The following GSE1 variants were observed in gnomAD, a reference collection of about 807,000 sequenced individuals.
GSE1 encodes Gse1 coiled-coil protein.
GSE1 carries 32 observed loss-of-function variants against 112.6 expected under a neutral mutation model. The observed-to-expected ratio is 0.28, with a 90% confidence interval of 0.21 to 0.38. The LOEUF (loss-of-function observed/expected upper bound fraction) is 0.38, where lower values mean the gene tolerates loss of function less well. GSE1 is among the 10% of genes least tolerant of loss of function. The pLI is 1.00. For missense variants in GSE1, 2,348 were observed against 1,699.2 expected, an observed-to-expected ratio of 1.38 and a Z score of -6.71; for synonymous variants, 1,115 against 735.6, an observed-to-expected ratio of 1.52 and a Z score of -8.35.
intron 1 of GSE1, among the ~76,000 whole-genome samples, chr16:85,627,152 G>A (rs1255863464): frequency 9.2e-6 from 1 of 108,754 alleles, no homozygotes; most frequent in Non-Finnish European, 1.7e-5. Flanking sequence ...AAGAAGCGGT[G>A]CTTTGTTACG....
At chr16:85,298,803 G>C (rs530345836) in intron 1 of GSE1, among the ~76,000 whole-genome samples, 1 of 152,236 alleles carries the variant, frequency 6.6e-6, no homozygotes, top group Non-Finnish European at 1.5e-5. Flanking sequence ...CATTGTGAAC[G>C]TCACAGGTAG....
chr16:85,271,280 A>C (rs929714381), intron 1 of GSE1, among the ~76,000 whole-genome samples: 1 of 151,914 alleles, frequency 6.6e-6, no homozygotes. Context: ...GCTGAAGCCC[A>C]CCCTCTCTCC....
At chr16:85,495,638 G>A (rs1003533478) in intron 2 of GSE1, among the ~76,000 whole-genome samples, 6 of 151,816 alleles carry the variant, frequency 4.0e-5, no homozygotes, top group African/African-American at 7.3e-5. Context: ...TTACAGGTGC[G>A]CACTACCACG....
chr16:85,668,010 T>C lies in GSE1; in HGVS notation c.3131-130T>C, dbSNP rs2053017864. On this transcript the variant is annotated intron_variant, in intron 13 of 15. Transcript: ENST00000253458. ...GGCTAGGTCCCTCCTCTCTACGCGA[T>C]GTCATCTTGGTCCCCGGAGCCCTGC... is the stretch of plus-strand genomic sequence containing the variant. 1.6e-5 allele frequency: 11 copies of C among 697,930 alleles called. No homozygotes were observed. In the South Asian group the frequency reaches 1.8e-4, roughly 11 times the overall value. The allele number at this position is 697,930 out of a possible 1,614,324, so 43.2% of individuals were successfully genotyped here.
chr16:85,181,927 C>G (rs1349316721), intron 1 of GSE1, among the ~76,000 whole-genome samples: 1 of 152,208 alleles, frequency 6.6e-6, no homozygotes, highest in Admixed American at 6.5e-5. Flanking sequence ...TGAGCTGGCG[C>G]GTCCTCCAGG....
intron 1 of GSE1, among the ~76,000 whole-genome samples, chr16:85,179,543 G>A (rs2074538996): frequency 6.6e-6 from 1 of 152,172 alleles, no homozygotes; most frequent in Non-Finnish European, 1.5e-5. Context: ...TAGGGTCACT[G>A]GAGATTTAAC....
intron 3 of GSE1, among the ~76,000 whole-genome samples, chr16:85,652,242 G>A (rs1174933697): frequency 6.6e-6 from 1 of 152,232 alleles, no homozygotes; most frequent in African/African-American, 2.4e-5. Context: ...ACATGCCATT[G>A]ATGTGTGCAC....
At chr16:85,344,233 C>T (rs751832332) in intron 1 of GSE1, among the ~76,000 whole-genome samples, 18 of 152,142 alleles carry the variant, frequency 1.2e-4, no homozygotes, top group Non-Finnish European at 2.2e-4. Flanking sequence ...GGAAAGGGTA[C>T]GGTCCCTGGC....
intron 2 of GSE1, among the ~76,000 whole-genome samples, chr16:85,364,835 C>T (rs1014263245): frequency 6.6e-6 from 1 of 152,212 alleles, no homozygotes; most frequent in Non-Finnish European, 1.5e-5. Context: ...GGGGCCGAGC[C>T]CTGCCATTCT....
intron 2 of GSE1, among the ~76,000 whole-genome samples, chr16:85,494,350 A>T (rs1009183158): frequency 2.0e-5 from 3 of 152,192 alleles, no homozygotes; most frequent in African/African-American, 7.2e-5. Context: ...TCTTCTTGTA[A>T]GGACCCCAGT....
At chr16:85,481,996 C>G (rs537014060) in intron 2 of GSE1, among the ~76,000 whole-genome samples, 1 of 152,398 alleles carries the variant, frequency 6.6e-6, no homozygotes, top group African/African-American at 2.4e-5. Flanking sequence ...CTCGCCGGGA[C>G]TACGCCCCTT....
intron 2 of GSE1, among the ~76,000 whole-genome samples, chr16:85,370,879 G>A (rs1011836346): frequency 2.6e-5 from 4 of 152,200 alleles, no homozygotes; most frequent in African/African-American, 9.6e-5. Flanking sequence ...AGTGGCTGCC[G>A]CAGCTCCCAG....
chr16:85,201,006 G>A lies in GSE1; in HGVS notation c.2283+29199G>A, dbSNP rs141305022. 1.2e-4 allele frequency among the ~76,000 whole-genome samples: 19 copies of A among 152,324 alleles called. No homozygotes were observed. In the East Asian group the frequency reaches 3.7e-3, roughly 29 times the overall value. The stretch of plus-strand genomic sequence containing the variant: ...AGCAGGGCAGTGTCTAGAACAGAAC[G>A]AAGCAGTATTGGTTTTGTTTTCGTT... On this transcript the variant is annotated intron_variant, in intron 1 of 2. Coordinates refer to the GSE1 transcript ENST00000637419.
intron 2 of GSE1, among the ~76,000 whole-genome samples, chr16:85,459,157 C>T (rs1313059655): frequency 1.3e-5 from 2 of 152,184 alleles, no homozygotes; most frequent in Non-Finnish European, 2.9e-5. Context: ...AAGATGGCAT[C>T]GGGGTGAAGT....
At chr16:85,328,425 G>T (rs2046270559) in intron 1 of GSE1, among the ~76,000 whole-genome samples, 1 of 152,220 alleles carries the variant, frequency 6.6e-6, no homozygotes, top group African/African-American at 2.4e-5. Flanking sequence ...GGGGCCGGAG[G>T]GAGCCGTTTT....
chr16:85,310,044 C>T (rs773934618), intron 1 of GSE1, among the ~76,000 whole-genome samples: 4 of 152,262 alleles, frequency 2.6e-5, no homozygotes, highest in African/African-American at 4.8e-5. Context: ...TCAGTCGGCC[C>T]GAGCCCAGGC....
chr16:85,633,921 C>G lies in GSE1; in HGVS notation c.15C>G (p.Ser5Arg). 6.2e-7 allele frequency: 1 copy of G among 1,609,734 alleles called. No individual in the cohort carries two copies. Residue 5 changes from serine to arginine, a missense_variant, in exon 2 of 16, where the codon AGC (serine) becomes AGG (arginine). Physicochemically the swap from Ser to Arg is moderately radical, Grantham distance 110 (BLOSUM62 -1). Coordinates refer to ENST00000253458, the MANE Select transcript of GSE1 (RefSeq NM_014615.5). The part of the protein sequence containing the change: MKGM[S>R]HEPKSPSLGM... ...CTTCTTTTCCTGTTTCAGGCATGAG[C>G]CATGAGCCCAAGTCCCCTTCGCTAG...
At chr16:85,425,023 A>T (rs2048936527) in intron 2 of GSE1, among the ~76,000 whole-genome samples, 1 of 152,232 alleles carries the variant, frequency 6.6e-6, no homozygotes, top group Non-Finnish European at 1.5e-5. Context: ...GTGGAGAGCA[A>T]GCTCCGAGCA....
chr16:85,296,474 G>A (rs1325942990), intron 1 of GSE1, among the ~76,000 whole-genome samples: 1 of 152,126 alleles, frequency 6.6e-6, no homozygotes, highest in Non-Finnish European at 1.5e-5. Flanking sequence ...GGATGTGGTG[G>A]TGCACACCTG....
Sources: allele counts gnomAD v4.1 joint callset (sites outside exome capture counted in the v4.1 genomes callset), GRCh38; gene constraint gnomAD v4.1.1; transcripts MANE v1.5; gene names NCBI Gene and HGNC (gene_info 2026-07-23, HGNC 2026-07-21).